Variants in TRIM51 observed in about 807,000 individuals in gnomAD.
TRIM51 encodes tripartite motif-containing protein 51.
Under a neutral mutation model 32.7 loss-of-function variants are expected in TRIM51, and 23 were observed. The observed-to-expected ratio is 0.70, with a 90% CI of 0.51 to 1.00. TRIM51 has a LOEUF of 1.00. Among genes scored for constraint, TRIM51 ranks in the 50% least tolerant of loss-of-function variants. TRIM51 has a pLI of 0.00. For missense variants in TRIM51, 592 were observed against 539.2 expected (o/e 1.10, Z -0.97); for synonymous variants, 177 against 181.9 (o/e 0.97, Z 0.22).
chr11:55,887,702 G>T (rs969060730), intron 3 of TRIM51, among the ~76,000 whole-genome samples: 9 of 152,066 alleles, frequency 5.9e-5, no homozygotes, highest in African/African-American at 1.7e-4. Flanking sequence ...AGAAATAATG[G>T]TTTCTTACCT....
chr11:55,887,637 A>G (rs1260903060), intron 3 of TRIM51, among the ~76,000 whole-genome samples: 1 of 152,110 alleles, frequency 6.6e-6, no homozygotes. Context: ...AGTCTGGGTC[A>G]TGTCATCATT....
Position 55,891,653 on chromosome 11 carries a change from T to G in TRIM51, c.*21T>G. The G allele has an allele frequency of 6.2e-7, 1 of 1,612,140 alleles. No homozygotes were observed. Among genetic ancestry groups the G allele is most frequent in the Non-Finnish European group, 8.5e-7 (1 of 1,179,350 alleles). On this transcript the variant is annotated 3_prime_UTR_variant, in exon 7 of 7. Coordinates refer to ENST00000449290, the MANE Select transcript of TRIM51 (RefSeq NM_032681.4). ...TCTGACCAGAGAAAAGTCAGAAATG[T>G]GCCTGTATGCTCTGGGAACCTGTTT...
intron 3 of TRIM51, among the ~76,000 whole-genome samples, chr11:55,887,105 C>T (rs956933691): frequency 4.6e-5 from 7 of 151,710 alleles, no homozygotes; most frequent in Admixed American, 3.3e-4. Context: ...AATAATCAAG[C>T]AGGAAAGTAG....
chr11:55,885,366 T>A (rs1269684588), intron 1 of TRIM51, 59 bp from the exon 2 acceptor site: 3 of 1,568,882 alleles, frequency 1.9e-6, no homozygotes, highest in African/African-American at 2.7e-5. Flanking sequence ...TATCACCACA[T>A]GTTCACGGAT....
intron 1 of TRIM51, among the ~76,000 whole-genome samples, chr11:55,884,227 T>C: frequency 7.0e-6 from 1 of 142,086 alleles, no homozygotes; most frequent in East Asian, 2.3e-4. Context: ...TTGCCTATCG[T>C]ATACCATACA....
At chr11:55,891,014 T>G (rs1854640628) in intron 6 of TRIM51, 119 bp from the exon 7 acceptor site, 17 of 724,642 alleles carry the variant, frequency 2.3e-5, no homozygotes, top group Non-Finnish European at 3.3e-5. Context: ...ACAATTCTCC[T>G]GTCCTTGTAA....
chr11:55,889,708 T>TA (rs1336235912), intron 5 of TRIM51, among the ~76,000 whole-genome samples: 2 of 152,174 alleles, frequency 1.3e-5, no homozygotes, highest in Non-Finnish European at 2.9e-5. Flanking sequence ...CCTTACTAAC[T>TA]AGGAGCAATA....
intron 5 of TRIM51, among the ~76,000 whole-genome samples, chr11:55,889,308 A>G (rs1285709561): frequency 2.0e-5 from 3 of 152,208 alleles, no homozygotes; most frequent in Admixed American, 6.5e-5. Flanking sequence ...TTATTGCTCA[A>G]AACATTCATA....
chr11:55,887,076 T>C (rs1421098334), intron 3 of TRIM51, among the ~76,000 whole-genome samples: 1 of 150,964 alleles, frequency 6.6e-6, no homozygotes, highest in Non-Finnish European at 1.5e-5. Flanking sequence ...TGTGTTAGAG[T>C]GTAGTAGTGT....
At chr11:55,884,384 C>T (rs1854549310) in intron 1 of TRIM51, among the ~76,000 whole-genome samples, 1 of 151,596 alleles carries the variant, frequency 6.6e-6, no homozygotes, top group Non-Finnish European at 1.5e-5. Flanking sequence ...TGACACTGTA[C>T]AGGAGAGGAA....
Position 55,891,689 on chromosome 11 carries a change from G to A in TRIM51, c.*57G>A. 2 of 1,596,672 alleles carry A rather than the reference G, an allele frequency of 1.3e-6. No individual in the cohort carries two copies. The highest frequency in any genetic ancestry group is 2.2e-5 in the South Asian group (2 of 89,636). ...TCTGGGAACCTGTTTATCCCAGAAA[G>A]CCCTCTTTTTCGCACCTCATCAAAC... is the stretch of plus-strand genomic sequence containing the variant. On this transcript the variant is annotated 3_prime_UTR_variant, in exon 7 of 7. Coordinates refer to ENST00000449290, the MANE Select transcript of TRIM51 (RefSeq NM_032681.4).
chr11:55,886,354 A>T, intron 3 of TRIM51, 136 bp downstream of exon 3: 1 of 704,192 alleles, frequency 1.4e-6, no homozygotes, highest in Non-Finnish European at 2.4e-6. Flanking sequence ...AGAAAAAAAC[A>T]CCCTAATTTT....
Position 55,891,699 on chromosome 11 carries a change from TC to T in TRIM51, c.*68del. The T allele has an allele frequency of 6.4e-7, 1 of 1,560,374 alleles. No homozygotes were observed. The highest frequency in any genetic ancestry group is 8.7e-7 in the Non-Finnish European group (1 of 1,143,068). ...TGTTTATCCCAGAAAGCCCTCTTTT[TC>T]GCACCTCATCAAACAGAACAAATAA... On this transcript the variant is annotated 3_prime_UTR_variant, in exon 7 of 7. Coordinates refer to ENST00000449290, the MANE Select transcript of TRIM51 (RefSeq NM_032681.4).
At chr11:55,887,147 G>A (rs953453025) in intron 3 of TRIM51, among the ~76,000 whole-genome samples, 2 of 151,914 alleles carry the variant, frequency 1.3e-5, no homozygotes, top group African/African-American at 2.4e-5. Flanking sequence ...GACTGGGGAT[G>A]AGGGTTTGAG....
rs1854627137 is a variant in TRIM51 at position 55,889,944 on chromosome 11, A to G, written c.764A>G (p.Tyr255Cys). 2 of 1,612,152 alleles carry G rather than the reference A, an allele frequency of 1.2e-6. No homozygotes were observed. Among genetic ancestry groups the G allele is most frequent in the South Asian group, 1.1e-5 (1 of 91,016 alleles). The change falls in exon 6 of 7, where the codon TAT (tyrosine) becomes TGT (cysteine). Residue 255 changes from tyrosine (Y) to cysteine (C), a missense_variant and splice_region_variant. By Grantham distance (194) the Tyr-to-Cys change is radical. Coordinates refer to ENST00000449290, the MANE Select transcript of TRIM51 (RefSeq NM_032681.4). ...TAACCCTATCTTTCCCCTTGCAGGT[A>G]TGAGTCTCTGCTGCTGCAAGTGTCT... ...LQAFGDILHR[Y>C]ESLLLQVSEP...
chr11:55,888,156 A>T lies in TRIM51; in HGVS notation c.632A>T (p.Gln211Leu). Residue 211 changes from glutamine (Q) to leucine (L), a missense_variant, in exon 4 of 7, where the codon CAA becomes CTA. Coordinates refer to ENST00000449290, the MANE Select transcript of TRIM51 (RefSeq NM_032681.4). ...LRKEGEDIFQQLNESKARMEH... is the reference protein window; with the variant it reads ...LRKEGEDIFQLLNESKARMEH... ...AAGGAGGGCGAGGACATTTTTCAGCAACTCAATGAAAGCAAAGCCAGAATG... is the reference window on the plus strand; with the variant it reads ...AAGGAGGGCGAGGACATTTTTCAGCTACTCAATGAAAGCAAAGCCAGAATG... The T allele has an allele frequency of 6.2e-7, 1 of 1,613,716 alleles. No homozygotes were observed. The highest frequency in any genetic ancestry group is 8.5e-7 in the Non-Finnish European group (1 of 1,179,690).
intron 3 of TRIM51, 35 bp downstream of exon 3, chr11:55,886,253 T>C: frequency 7.9e-6 from 12 of 1,528,590 alleles, no homozygotes; most frequent in African/African-American, 1.4e-5. Flanking sequence ...CTCCGGGAAC[T>C]TATAGTGAAC....
chr11:55,889,730 C>T (rs928345787), intron 5 of TRIM51, among the ~76,000 whole-genome samples: 2 of 152,064 alleles, frequency 1.3e-5, no homozygotes, highest in African/African-American at 4.8e-5. Context: ...GAAGAAAGAT[C>T]CTAATGAATT....
chr11:55,888,695 C>T (rs1291527817), intron 4 of TRIM51, among the ~76,000 whole-genome samples: 1 of 152,136 alleles, frequency 6.6e-6, no homozygotes, highest in Non-Finnish European at 1.5e-5. Context: ...GGGAAGAAGA[C>T]TGAGTAGCTT....
Sources: gnomAD v4.1 joint callset for allele counts (sites outside exome capture counted in the v4.1 genomes callset) on GRCh38, gnomAD v4.1.1 for gene constraint, MANE v1.5 for transcripts, NCBI Gene and HGNC (gene_info 2026-07-23, HGNC 2026-07-21) for gene names.